RASGRF1: variants seen among roughly 807,000 people sequenced by gnomAD.
RASGRF1 encodes the protein Ras protein specific guanine nucleotide releasing factor 1.
In RASGRF1, 40 loss-of-function variants were observed where a neutral mutation model predicts 138.7. That is an observed-to-expected ratio of 0.29 (90% confidence interval 0.22 to 0.38). RASGRF1 has a LOEUF of 0.38. Among genes scored for constraint, RASGRF1 ranks in the 10% least tolerant of loss-of-function variants. RASGRF1 has a pLI of 1.00. For missense variants in RASGRF1, 1,108 were observed against 1,650.4 expected (o/e 0.67, Z 5.69); for synonymous variants, 614 against 663.2 (o/e 0.93, Z 1.14).
chr15:79,071,908 C>T, intron 1 of RASGRF1, among the ~76,000 whole-genome samples: 1 of 152,178 alleles, frequency 6.6e-6, no homozygotes, highest in East Asian at 1.9e-4. Context: ...CCAGGGGCTC[C>T]CATCTCCTTC....
intron 2 of RASGRF1, among the ~76,000 whole-genome samples, chr15:79,062,889 C>A (rs2141060352): frequency 6.7e-6 from 1 of 148,192 alleles, no homozygotes; most frequent in Non-Finnish European, 1.5e-5. Flanking sequence ...CTTCATTATT[C>A]TTGGAATTCT....
At chr15:79,001,041 G>C (rs1462996201) in intron 16 of RASGRF1, among the ~76,000 whole-genome samples, 2 of 152,196 alleles carry the variant, frequency 1.3e-5, no homozygotes, top group African/African-American at 2.4e-5. Flanking sequence ...CCCTTGTATA[G>C]GGGAAAGGGC....
intron 22 of RASGRF1, among the ~76,000 whole-genome samples, chr15:78,988,656 G>GT (rs2056209203): frequency 6.6e-6 from 1 of 152,164 alleles, no homozygotes; most frequent in Non-Finnish European, 1.5e-5. Context: ...GTCAGGGCAA[G>GT]TGGAATCATG....
At chr15:79,090,196 G>A in intron 1 of RASGRF1, 27 bp downstream of exon 1, 1 of 1,570,408 alleles carries the variant, frequency 6.4e-7, no homozygotes, top group Non-Finnish European at 8.6e-7. Context: ...GGGACGCAGG[G>A]AGGTCAGGAC....
Position 79,050,476 on chromosome 15 carries a change from C to T in RASGRF1, c.532-888G>A, listed in dbSNP as rs1264337505. 2.0e-5 allele frequency among the ~76,000 whole-genome samples: 3 copies of T among 152,124 alleles called. No homozygotes were observed. The highest frequency in any genetic ancestry group is 4.4e-5 in the Non-Finnish European group (3 of 68,020). On this transcript the variant is annotated intron_variant, in intron 3 of 26. Transcript: ENST00000558480. The surrounding 1 kb of genome is among the most constrained non-coding windows in gnomAD (Gnocchi z 4.1). ...ATAAATCAGATAGAGCAGGTGGCTC[C>T]GGGTGAAGTCCTGCTGGCTTGGCGC...
intron 13 of RASGRF1, among the ~76,000 whole-genome samples, chr15:79,008,258 C>A (rs954391106): frequency 1.3e-5 from 2 of 152,180 alleles, no homozygotes; most frequent in Non-Finnish European, 2.9e-5. Flanking sequence ...TCTTTGGAAG[C>A]ATTCTTGGGA....
rs1026714572 is a variant in RASGRF1, at chr15:79,068,504, C to T, written c.277-3978G>A. ...ATATATATATATATACACACACACA[C>T]GTATATTTATATGTATAAGTATATA... is the stretch of plus-strand genomic sequence containing the variant. On this transcript the variant is annotated intron_variant, in intron 1 of 26. Transcript: ENST00000558480. Among the ~76,000 whole-genome samples the T allele has an allele frequency of 5.5e-4, 75 of 137,436 alleles. No homozygotes were observed. In the Middle Eastern group the frequency reaches 0.016, roughly 30 times the overall value. 90.2% of individuals were successfully genotyped at this position (137,436 alleles called of 152,430 possible).
chr15:79,019,069 G>A (rs1016864922), intron 11 of RASGRF1, among the ~76,000 whole-genome samples: 4 of 111,390 alleles, frequency 3.6e-5, no homozygotes, highest in Admixed American at 8.0e-5. Flanking sequence ...GCATGAGGGC[G>A]TGTGTGTGTG....
At position 79,003,904 on chromosome 15, in the gene RASGRF1, T is replaced by C; in HGVS notation, c.2347A>G (p.Thr783Ala). Residue 783 changes from threonine to alanine, a missense_variant, in exon 15 of 27, where the codon ACC becomes GCC. Around this residue, in one of 3 missense-constraint regions of RASGRF1, gnomAD observed 686 missense variants for 976.7 expected, o/e 0.70. Transcript: ENST00000558480. ...CTGCTGGACACATAGAGCTTGCTGG[T>C]GTCCAGCGTGGCCTTGCTGAAGGGT... is the stretch of plus-strand genomic sequence containing the variant. ...MSPFSKATLD[T>A]SKLYVSSSFT... 6.2e-7 allele frequency: 1 copy of C among 1,614,148 alleles called. No individual in the cohort carries two copies. The highest frequency in any genetic ancestry group is 8.5e-7 in the Non-Finnish European group (1 of 1,180,016).
chr15:79,037,109 G>T (rs2057233302), intron 5 of RASGRF1, among the ~76,000 whole-genome samples: 1 of 152,168 alleles, frequency 6.6e-6, no homozygotes, highest in Non-Finnish European at 1.5e-5. Context: ...AAACGAGTTT[G>T]TTGAATGGAT....
Position 79,031,513 on chromosome 15 carries a change from C to T in RASGRF1, c.1153-4G>A, listed in dbSNP as rs758813117. On this transcript the variant is annotated splice_region_variant and splice_polypyrimidine_tract_variant and intron_variant, in intron 7 of 26. Coordinates refer to ENST00000558480, the MANE Select transcript of RASGRF1 (RefSeq NM_001145648.3). ...GGGTCAGGATGTACCTGGGGATCTG[C>T]GGGCAGGTGGGAGAGGTGAGGGTGG... is the stretch of plus-strand genomic sequence containing the variant. The T allele has an allele frequency of 7.5e-6, 12 of 1,601,848 alleles. No individual in the cohort carries two copies. Among genetic ancestry groups the T allele is most frequent in the South Asian group, 6.7e-5 (6 of 90,026 alleles).
intron 26 of RASGRF1, among the ~76,000 whole-genome samples, chr15:78,965,453 C>A (rs1282922654): frequency 6.6e-6 from 1 of 152,206 alleles, no homozygotes; most frequent in African/African-American, 2.4e-5. Flanking sequence ...CTCATGTATG[C>A]ATGAGTTCTT....
At chr15:79,005,714 C>A (rs201740515) in intron 14 of RASGRF1, 4 of 865,454 alleles carry the variant, frequency 4.6e-6, no homozygotes, top group Non-Finnish European at 5.6e-6. Context: ...GGGTAAGAGT[C>A]CTTTCTCCCT....
At chr15:79,012,156 C>G (rs916482402) in intron 13 of RASGRF1, among the ~76,000 whole-genome samples, 2 of 152,286 alleles carry the variant, frequency 1.3e-5, no homozygotes, top group African/African-American at 4.8e-5. Flanking sequence ...TCATTGCCTG[C>G]ATGACATCAC....
chr15:78,995,607 C>T, intron 20 of RASGRF1, 133 bp downstream of exon 20: 2 of 1,127,302 alleles, frequency 1.8e-6, no homozygotes, highest in East Asian at 2.4e-5. Context: ...TTGTTTTAAG[C>T]CGCCCAGTTT....
chr15:79,021,886 A>T (rs930370792), intron 10 of RASGRF1, among the ~76,000 whole-genome samples: 2 of 152,244 alleles, frequency 1.3e-5, no homozygotes, highest in African/African-American at 2.4e-5. Flanking sequence ...TTATAAATAC[A>T]AGTTCGTTAT....
chr15:79,070,661 C>T (rs1282554390), intron 1 of RASGRF1, among the ~76,000 whole-genome samples: 1 of 152,314 alleles, frequency 6.6e-6, no homozygotes, highest in Non-Finnish European at 1.5e-5. Context: ...GAGTCCCTTC[C>T]TTGCATGATT....
chr15:78,992,774 C>G (rs532392829), intron 20 of RASGRF1, among the ~76,000 whole-genome samples: 8 of 152,324 alleles, frequency 5.3e-5, no homozygotes, highest in Non-Finnish European at 1.0e-4. Flanking sequence ...TGAGCACCTG[C>G]AAGCAGCCCA....
At chr15:79,039,311 A>G (rs1161024162) in intron 5 of RASGRF1, among the ~76,000 whole-genome samples, 1 of 151,228 alleles carries the variant, frequency 6.6e-6, no homozygotes, top group East Asian at 1.9e-4. Context: ...AAAAAAAAAA[A>G]AAAAAAAAAA....
Sources: allele counts gnomAD v4.1 joint callset (sites outside exome capture counted in the v4.1 genomes callset), GRCh38; gene constraint gnomAD v4.1.1; regional missense constraint gnomAD v4.1.1; non-coding constraint Gnocchi (gnomAD v3.1); transcripts MANE v1.5; gene names NCBI Gene and HGNC (gene_info 2026-07-23, HGNC 2026-07-21).